NEB: variants seen among roughly 807,000 people sequenced by gnomAD.
The protein encoded by NEB is nebulin.
A neutral mutation model predicts 952.2 loss-of-function variants in NEB; 512 were observed. The ratio of observed to expected loss-of-function variants is 0.54; its 90% CI spans 0.50 to 0.58. NEB has a LOEUF of 0.58. NEB is among the 20% of genes least tolerant of loss of function. NEB has a pLI of 0.00. For synonymous variants in NEB, 2,900 were observed against 3,149.8 expected (o/e 0.92, Z 2.66); for missense variants, 8,428 against 9,231.1 (o/e 0.91, Z 3.56).
chr2:151,492,791 C>T, intron 176 of NEB: 1 of 235,524 alleles, frequency 4.2e-6, no homozygotes, highest in Non-Finnish European at 8.2e-6. Flanking sequence ...ACAGCATCAA[C>T]ATATTCGATG....
intron 62 of NEB, 29 bp downstream of exon 62, chr2:151,639,828 C>T (rs971933270): frequency 2.6e-6 from 4 of 1,567,406 alleles, no homozygotes; most frequent in Non-Finnish European, 3.5e-6. Flanking sequence ...TTAGGAGCCC[C>T]ACTTCGATTC....
In NEB at chr2:151,496,572, C is replaced by A. The variant is rs185128155; in HGVS notation, c.24394-204G>T. Among the ~76,000 whole-genome samples, 312 of 152,234 alleles carry A rather than the reference C, an allele frequency of 2.0e-3. 1 individual carries two copies. Among genetic ancestry groups the A allele is most frequent in the African/African-American group, 6.9e-3 (288 of 41,550 alleles). ...TCTGCACCCTCTAGAGAAGCAGGGA[C>A]CTCAGCTGCTGGGGAAAGGCTGTCA... On this transcript the variant is annotated intron_variant, in intron 172 of 181. Coordinates refer to ENST00000397345, the MANE Select transcript of NEB (RefSeq NM_001164508.2).
intron 124 of NEB, among the ~76,000 whole-genome samples, chr2:151,557,836 T>C (rs1395313227): frequency 2.0e-5 from 3 of 152,162 alleles, no homozygotes; most frequent in Non-Finnish European, 2.9e-5. Context: ...TGCTAAAAAC[T>C]CTCAATAAAC....
intron 40 of NEB, among the ~76,000 whole-genome samples, chr2:151,667,015 A>T (rs1224241982): frequency 3.3e-5 from 5 of 152,062 alleles, no homozygotes. Context: ...ATGTCAATTC[A>T]TATAGGAATA....
chr2:151,637,048 C>T (rs2098775023), intron 63 of NEB, among the ~76,000 whole-genome samples: 1 of 152,252 alleles, frequency 6.6e-6, no homozygotes, highest in African/African-American at 2.4e-5. Context: ...TCTGCCCTGA[C>T]CCTGTGTCTC....
chr2:151,555,390 T>C (rs1322034568), intron 124 of NEB, among the ~76,000 whole-genome samples: 1 of 152,232 alleles, frequency 6.6e-6, no homozygotes, highest in Non-Finnish European at 1.5e-5. Flanking sequence ...AAATATTCTC[T>C]TGTGGTAATG....
chr2:151,654,949 G>A (rs2099072327), intron 51 of NEB, among the ~76,000 whole-genome samples: 1 of 152,142 alleles, frequency 6.6e-6, no homozygotes. Context: ...AGCTTCCTGA[G>A]TAGCTGGGAC....
chr2:151,720,423 T>C (rs1366834212), intron 9 of NEB, among the ~76,000 whole-genome samples: 1 of 152,200 alleles, frequency 6.6e-6, no homozygotes, highest in African/African-American at 2.4e-5. Context: ...ATGTCAATAA[T>C]CTGATACTGA....
chr2:151,541,208 CA>C (rs1206779930), intron 136 of NEB, among the ~76,000 whole-genome samples: 1 of 152,128 alleles, frequency 6.6e-6, no homozygotes, highest in South Asian at 2.1e-4. Flanking sequence ...TTCATTACTC[CA>C]AAACACAAGT....
chr2:151,577,394 T>C (rs1351606842), intron 105 of NEB, among the ~76,000 whole-genome samples: 1 of 152,202 alleles, frequency 6.6e-6, no homozygotes, highest in Non-Finnish European at 1.5e-5. Context: ...GAATGCCCCA[T>C]GTCCTCCTAA....
chr2:151,710,413 A>G lies in NEB; in HGVS notation c.927+21T>C, dbSNP rs770931900. The G allele has an allele frequency of 1.6e-5, 25 of 1,540,658 alleles. No individual in the cohort carries two copies. The East Asian group carries it at 5.6e-4, about 35-fold the overall frequency. ...GGTCTCCCTCCCAGGATGACCAACCAGCCATCCCTTCCCACTTAACTGTGC... is the reference window on the plus strand; with the variant it reads ...GGTCTCCCTCCCAGGATGACCAACCGGCCATCCCTTCCCACTTAACTGTGC... On this transcript the variant is annotated intron_variant, in intron 11 of 181. Coordinates refer to ENST00000397345, the MANE Select transcript of NEB (RefSeq NM_001164508.2).
intron 143 of NEB, among the ~76,000 whole-genome samples, chr2:151,532,466 T>A (rs914897823): frequency 1.3e-5 from 2 of 152,182 alleles, no homozygotes; most frequent in Non-Finnish European, 2.9e-5. Context: ...TTTATCATTT[T>A]AAAAAATTCA....
At chr2:151,496,839 A>C in intron 172 of NEB, 102 bp downstream of exon 172, 1 of 1,330,262 alleles carries the variant, frequency 7.5e-7, no homozygotes, top group Non-Finnish European at 1.0e-6. Context: ...AAAGAAGTTC[A>C]CAAAATTTGT....
At chr2:151,627,250 A>G in intron 69 of NEB, 45 bp from the exon 70 acceptor site, 1 of 1,570,774 alleles carries the variant, frequency 6.4e-7, no homozygotes, top group Non-Finnish European at 8.6e-7. Flanking sequence ...AAGTTGTTTT[A>G]ACATGATTTC....
rs370199118 is a variant in NEB at position 151,617,658 on chromosome 2, C to T, written c.11077-190G>A. Among the ~76,000 whole-genome samples, 9 of 151,738 alleles carry T rather than the reference C, an allele frequency of 5.9e-5. No homozygotes were observed. In the East Asian group the frequency reaches 9.7e-4, roughly 16 times the overall value. On this transcript the variant is annotated intron_variant, in intron 74 of 181. Transcript: ENST00000397345. Reference sequence around the variant, plus strand: ...TTCAATAATCTGTTAAAGGACTTATCGGTTATGAAAAGTATAATTGGATTG... The same window carrying T: ...TTCAATAATCTGTTAAAGGACTTATTGGTTATGAAAAGTATAATTGGATTG...
chr2:151,531,641 G>A (rs13389497), intron 144 of NEB, 151 bp downstream of exon 144: 1 of 655,994 alleles, frequency 1.5e-6, no homozygotes. Context: ...TTGGGGAGGA[G>A]AATCCTGTGC....
chr2:151,730,223 C>T (rs1006129403), intron 3 of NEB, among the ~76,000 whole-genome samples: 2 of 152,134 alleles, frequency 1.3e-5, no homozygotes, highest in Non-Finnish European at 2.9e-5. Flanking sequence ...GGGTGAGTCC[C>T]TTTCAATAGT....
chr2:151,656,867 AC>A (rs199810746), intron 48 of NEB, among the ~76,000 whole-genome samples: 2,402 of 152,168 alleles, frequency 0.016, 33 homozygotes, highest in Non-Finnish European at 0.023. Context: ...AGGCAAAAAA[AC>A]AGAACATTTC....
chr2:151,691,497 A>G (rs944462188), intron 23 of NEB, among the ~76,000 whole-genome samples: 2 of 152,204 alleles, frequency 1.3e-5, no homozygotes. Context: ...TGGGAGCTCA[A>G]GAGGTGGCTG....
Sources: allele counts gnomAD v4.1 joint callset (sites outside exome capture counted in the v4.1 genomes callset), GRCh38; gene constraint gnomAD v4.1.1; transcripts MANE v1.5; gene names NCBI Gene and HGNC (gene_info 2026-07-23, HGNC 2026-07-21).